DPYD: variants seen among roughly 807,000 people sequenced by gnomAD.
DPYD encodes dihydropyrimidine dehydrogenase, also known as dihydropyrimidine dehydrogenase [NADP(+)].
DPYD carries 109 observed loss-of-function variants against 116.2 expected under a neutral mutation model. That is an observed-to-expected ratio of 0.94 (90% CI 0.80 to 1.10). The LOEUF is 1.10. DPYD is among the 50% of genes least tolerant of loss of function. The probability of loss-of-function intolerance (pLI) is 0.00; values close to 1 mark genes in which losing one functional copy is unlikely to be tolerated. For missense variants in DPYD, 1,302 were observed against 1,254.5 expected (o/e 1.04, Z -0.57); for synonymous variants, 440 against 432.0 (o/e 1.02, Z -0.23).
At chr1:97,375,565 G>A (rs1671566006) in intron 15 of DPYD, among the ~76,000 whole-genome samples, 1 of 152,152 alleles carries the variant, frequency 6.6e-6, no homozygotes, top group Admixed American at 6.5e-5. Flanking sequence ...AAACCATGCT[G>A]CTCTTTCCTT....
intron 20 of DPYD, among the ~76,000 whole-genome samples, chr1:97,162,676 A>T (rs1476644010): frequency 1.4e-4 from 22 of 152,170 alleles, no homozygotes; most frequent in Admixed American, 1.4e-3. Flanking sequence ...TCACCAAGTC[A>T]ATCCTAAGCC....
chr1:97,143,950 C>T (rs1253048332), intron 20 of DPYD, among the ~76,000 whole-genome samples: 1 of 152,136 alleles, frequency 6.6e-6, no homozygotes, highest in Non-Finnish European at 1.5e-5. Flanking sequence ...TCTTCTGACT[C>T]TTTATCCCCA....
At chr1:97,514,312 G>T in intron 13 of DPYD, 1 of 892,138 alleles carries the variant, frequency 1.1e-6, no homozygotes, top group Non-Finnish European at 1.3e-6. Context: ...ATTATTGCAA[G>T]CGAAGAAAAC....
Position 97,570,187 on chromosome 1 carries a change from T to G in DPYD, c.1339+3573A>C, listed in dbSNP as rs184349531. Among the ~76,000 whole-genome samples the G allele has an allele frequency of 1.4e-4, 21 of 152,082 alleles. No homozygotes were observed. The East Asian group carries it at 2.5e-3, about 18-fold the overall frequency. On this transcript the variant is annotated intron_variant, in intron 11 of 22. Coordinates refer to ENST00000370192, the MANE Select transcript of DPYD (RefSeq NM_000110.4). Reference sequence around the variant, plus strand: ...GGAATATTTCAGAAAAAACTGACATTAAAAATGTAATCTCCTTTCAATTTT... The same window carrying G: ...GGAATATTTCAGAAAAAACTGACATGAAAAATGTAATCTCCTTTCAATTTT...
At chr1:97,358,564 A>G (rs528565301) in intron 16 of DPYD, among the ~76,000 whole-genome samples, 1 of 152,108 alleles carries the variant, frequency 6.6e-6, no homozygotes, top group Non-Finnish European at 1.5e-5. Flanking sequence ...GCCGACAGAC[A>G]CCACATATAG....
At chr1:97,196,823 A>G (rs368229415) in intron 19 of DPYD, among the ~76,000 whole-genome samples, 173 of 152,320 alleles carry the variant, frequency 1.1e-3, no homozygotes, top group African/African-American at 4.0e-3. Flanking sequence ...AAAAACTTTT[A>G]ATATAACTAC....
At chr1:97,784,094 A>G (rs1414911247) in intron 3 of DPYD, among the ~76,000 whole-genome samples, 1 of 152,172 alleles carries the variant, frequency 6.6e-6, no homozygotes, top group African/African-American at 2.4e-5. Context: ...ATTATCAGCC[A>G]TCTAATATGC....
chr1:97,253,531 C>G (rs747638943), intron 18 of DPYD, among the ~76,000 whole-genome samples: 1 of 152,046 alleles, frequency 6.6e-6, no homozygotes, highest in Non-Finnish European at 1.5e-5. Flanking sequence ...CTTTAATTTC[C>G]CTTCTCGTGG....
At chr1:97,900,713 G>A (rs1673326340) in intron 1 of DPYD, among the ~76,000 whole-genome samples, 1 of 151,702 alleles carries the variant, frequency 6.6e-6, no homozygotes, top group Admixed American at 6.6e-5. Context: ...ATAGCATAAT[G>A]ATGTGAATAA....
intron 10 of DPYD, among the ~76,000 whole-genome samples, chr1:97,579,670 G>A (rs1653504925): frequency 6.6e-6 from 1 of 152,168 alleles, no homozygotes; most frequent in South Asian, 2.1e-4. Flanking sequence ...TCTGAATCTG[G>A]ATATGAATGC....
chr1:97,808,953 A>T lies in DPYD; in HGVS notation c.233+19161T>A, dbSNP rs146012358. ...TTTCCCATTATTTATTTTCTGACCT[A>T]TGGTTATTTTGAAGTGTTAATTTCT... On this transcript the variant is annotated intron_variant, in intron 3 of 22. Transcript: ENST00000370192. 5.0e-3 allele frequency among the ~76,000 whole-genome samples: 764 copies of T among 152,208 alleles called. 7 individuals are homozygous for T. The highest frequency in any genetic ancestry group is 0.017 in the African/African-American group (707 of 41,544).
intron 18 of DPYD, among the ~76,000 whole-genome samples, chr1:97,247,946 T>C (rs1662833891): frequency 6.6e-6 from 1 of 152,160 alleles, no homozygotes; most frequent in Non-Finnish European, 1.5e-5. Flanking sequence ...GAAGGAATAA[T>C]ACCGATCTTA....
intron 20 of DPYD, among the ~76,000 whole-genome samples, chr1:97,130,778 T>TTCCTTCC (rs1227710169): frequency 1.6e-4 from 5 of 31,598 alleles, no homozygotes; most frequent in Non-Finnish European, 2.5e-4. Flanking sequence ...CCTTCCTTCC[T>TTCCTTCC]TTCCTTCCCT....
chr1:97,497,821 C>T (rs547054587), intron 13 of DPYD, among the ~76,000 whole-genome samples: 10 of 151,838 alleles, frequency 6.6e-5, no homozygotes, highest in East Asian at 5.8e-4. Context: ...AGAAACTCCA[C>T]TCCTAACTAT....
At chr1:97,454,244 G>A (rs75852638) in intron 13 of DPYD, among the ~76,000 whole-genome samples, 2,587 of 152,020 alleles carry the variant, frequency 0.017, 37 homozygotes, top group Non-Finnish European at 0.026. Context: ...TTAAGTGAAA[G>A]ATGAATGAAA....
Position 97,883,335 on chromosome 1 carries a change from T to A in DPYD, c.79A>T (p.Thr27Ser), listed in dbSNP as rs770229152. 1.8e-5 allele frequency: 29 copies of A among 1,612,722 alleles called. No homozygotes were observed. Among genetic ancestry groups the A allele is most frequent in the Non-Finnish European group, 2.5e-5 (29 of 1,179,028 alleles). Residue 27 changes from threonine to serine, a missense_variant, in exon 2 of 23, where the codon ACT becomes TCT. Thr to Ser is a moderately conservative substitution (Grantham distance 58, BLOSUM62 1). Transcript: ENST00000370192. ...TTCTTGGCCGAAGTGGAACACAGAG[T>A]TGCATGAGTTTGTGTTCGAGGATTT... ...ALNPRTQTHA[T>S]LCSTSAKKLD...
At chr1:97,421,514 TG>T (rs1674582075) in intron 14 of DPYD, among the ~76,000 whole-genome samples, 1 of 151,404 alleles carries the variant, frequency 6.6e-6, no homozygotes, top group African/African-American at 2.5e-5. Context: ...AACGTAAGGA[TG>T]GGTTTTTGGT....
chr1:97,894,527 A>G (rs1387680037), intron 1 of DPYD, among the ~76,000 whole-genome samples: 1 of 151,800 alleles, frequency 6.6e-6, no homozygotes, highest in Non-Finnish European at 1.5e-5. Flanking sequence ...TTTTATCAAG[A>G]AGAAACTTCA....
At chr1:97,432,412 C>T (rs1342533262) in intron 14 of DPYD, among the ~76,000 whole-genome samples, 1 of 152,098 alleles carries the variant, frequency 6.6e-6, no homozygotes, top group Non-Finnish European at 1.5e-5. Context: ...ATGTATTCTT[C>T]ACTTCTTTTA....
Sources: gnomAD v4.1 joint callset for allele counts (sites outside exome capture counted in the v4.1 genomes callset) on GRCh38, gnomAD v4.1.1 for gene constraint, MANE v1.5 for transcripts, NCBI Gene and HGNC (gene_info 2026-07-23, HGNC 2026-07-21) for gene names.